Variants in KAT7 observed in about 807,000 individuals in gnomAD.
The protein encoded by KAT7 is lysine acetyltransferase 7.
In KAT7, 10 loss-of-function variants were observed where a neutral mutation model predicts 82.1. The ratio of observed to expected loss-of-function variants is 0.12; its 90% CI spans 0.08 to 0.21. The LOEUF is 0.21. KAT7 is among the 10% of genes least tolerant of loss of function. The pLI, the probability that KAT7 is intolerant of heterozygous loss-of-function variation, is 1.00. For synonymous variants in KAT7, 250 were observed against 262.5 expected (o/e 0.95, Z 0.46); for missense variants, 378 against 760.9 (o/e 0.50, Z 5.92).
chr17:49,807,948 C>T (rs527517383), intron 5 of KAT7, among the ~76,000 whole-genome samples: 2 of 152,118 alleles, frequency 1.3e-5, no homozygotes, highest in African/African-American at 2.4e-5. Context: ...GGAGAAATGC[C>T]AGTCGTTCTG....
chr17:49,819,846 C>T (rs1480466239), intron 9 of KAT7, among the ~76,000 whole-genome samples: 3 of 152,192 alleles, frequency 2.0e-5, no homozygotes, highest in Non-Finnish European at 2.9e-5. Flanking sequence ...GAACAAACTA[C>T]AGATGGAATT....
intron 4 of KAT7, among the ~76,000 whole-genome samples, chr17:49,799,949 C>A (rs1186131176): frequency 6.6e-6 from 1 of 150,986 alleles, no homozygotes; most frequent in Non-Finnish European, 1.5e-5. Flanking sequence ...GGACTACAAG[C>A]GTGAGCCACC....
rs551555409 is a variant in KAT7 at position 49,809,046 on chromosome 17, A to G, written c.664-73A>G. The G allele has an allele frequency of 5.2e-6, 6 of 1,147,538 alleles. No homozygotes were observed. In the South Asian group the frequency reaches 7.7e-5, roughly 15 times the overall value. 71.1% of individuals were successfully genotyped at this position (1,147,538 alleles called of 1,614,324 possible). Reference sequence around the variant, plus strand: ...TACAACATAAATCCAAGGCATTATCATTGTATTCTTATGCTTTAAGTAAAC... The same window carrying G: ...TACAACATAAATCCAAGGCATTATCGTTGTATTCTTATGCTTTAAGTAAAC... On this transcript the variant is annotated intron_variant, in intron 5 of 14. Transcript: ENST00000259021.
Position 49,796,862 on chromosome 17 carries a change from C to T in KAT7, c.276C>T (p.Tyr92=), listed in dbSNP as rs764286300. 3.1e-6 allele frequency: 5 copies of T among 1,614,018 alleles called. No homozygotes were observed. The South Asian group carries it at 3.3e-5, about 11-fold the overall frequency. ...CTACCCCAGTGACACCGAAAAAATA[C>T]CCTCTTCGGCAGACTCGTTCATCTG... The part of the protein sequence containing the change: ...QQPTPVTPKK[Y]PLRQTRSSGS... Residue 92 remains tyrosine (Y), a synonymous_variant, in exon 3 of 15, where the codon TAC becomes TAT. Transcript: ENST00000259021.
intron 12 of KAT7, among the ~76,000 whole-genome samples, chr17:49,823,990 C>T (rs1362669113): frequency 2.0e-5 from 3 of 152,150 alleles, no homozygotes; most frequent in Admixed American, 2.0e-4. Flanking sequence ...CCTGGGGTAC[C>T]TTACAGGGGT....
At chr17:49,814,796 A>C (rs528417762) in intron 7 of KAT7, among the ~76,000 whole-genome samples, 14 of 152,190 alleles carry the variant, frequency 9.2e-5, no homozygotes, top group Non-Finnish European at 1.8e-4. Context: ...GTCCAAATTT[A>C]AAAAGATTCA....
At position 49,798,492 on chromosome 17, in the gene KAT7, C is replaced by T. The variant is rs1385829911; in HGVS notation, c.514C>T (p.Arg172Cys). 1.2e-6 allele frequency: 2 copies of T among 1,613,976 alleles called. No individual in the cohort carries two copies. The highest frequency in any genetic ancestry group is 1.1e-5 in the South Asian group (1 of 91,094). The change falls in exon 4 of 15, where the codon CGC becomes TGC. Residue 172 changes from arginine to cysteine, a missense_variant. Physicochemically the swap from Arg to Cys is radical, Grantham distance 180. Coordinates refer to ENST00000259021, the MANE Select transcript of KAT7 (RefSeq NM_007067.5). ...SGSDLSHRPK[R>C]RRFHESYNFN... ...CAGTGATCTCTCTCATCGCCCCAAG[C>T]GCCGTCGCTTCCATGAAAGCTACAA... is the stretch of plus-strand genomic sequence containing the variant.
chr17:49,825,081 A>G (rs898255754), intron 12 of KAT7, among the ~76,000 whole-genome samples: 2 of 152,138 alleles, frequency 1.3e-5, no homozygotes, highest in Non-Finnish European at 2.9e-5. Flanking sequence ...TTTAGTCTAA[A>G]ACTTTCCACT....
chr17:49,818,085 G>T, intron 9 of KAT7, 74 bp downstream of exon 9: 8 of 1,219,082 alleles, frequency 6.6e-6, no homozygotes, highest in African/African-American at 1.5e-5. Flanking sequence ...TTGCCATAGC[G>T]ATGGCATCTG....
chr17:49,807,740 G>C (rs1162256177), intron 5 of KAT7, among the ~76,000 whole-genome samples: 2 of 152,114 alleles, frequency 1.3e-5, no homozygotes, highest in African/African-American at 4.8e-5. Flanking sequence ...GCTTTGTATC[G>C]GCAGCAATTC....
chr17:49,803,039 T>C (rs2074044160), intron 4 of KAT7, among the ~76,000 whole-genome samples: 1 of 148,926 alleles, frequency 6.7e-6, no homozygotes, highest in African/African-American at 2.5e-5. Context: ...TGATGCTACA[T>C]TGTATGTATG....
At chr17:49,815,351 T>G (rs536265546) in intron 7 of KAT7, 1 of 152,682 alleles carries the variant, frequency 6.5e-6, no homozygotes, top group East Asian at 1.9e-4. Context: ...GTCTAAAATC[T>G]TAGACACTAA....
Position 49,809,138 on chromosome 17 carries a change from A to T in KAT7, c.683A>T (p.Asp228Val). The T allele has an allele frequency of 6.2e-7, 1 of 1,614,170 alleles. No homozygotes were observed. Among genetic ancestry groups the T allele is most frequent in the Admixed American group, 1.7e-5 (1 of 60,026 alleles). The change falls in exon 6 of 15, where the codon GAT becomes GTT. Residue 228 changes from aspartate to valine, a missense_variant. Around this residue, in one of 6 missense-constraint regions of KAT7, gnomAD observed 102 missense variants for 129.8 expected, o/e 0.79. Transcript: ENST00000259021. ...DECKVRAQSR[D>V]KQIEERMLSH... The stretch of plus-strand genomic sequence containing the variant: ...TTGCAGGTGAGAGCACAGAGCCGGG[A>T]TAAGCAGATAGAAGAAAGGATGCTG...
intron 14 of KAT7, 118 bp from the exon 15 acceptor site, chr17:49,827,283 A>G (rs1567867136): frequency 1.6e-6 from 1 of 639,778 alleles, no homozygotes; most frequent in African/African-American, 1.8e-5. Context: ...TTTTTTTGAT[A>G]CCCTAATATG....
At chr17:49,812,417 G>A (rs957104417) in intron 7 of KAT7, among the ~76,000 whole-genome samples, 25 of 151,780 alleles carry the variant, frequency 1.6e-4, no homozygotes, top group Non-Finnish European at 3.1e-4. Flanking sequence ...TAGAGACGGG[G>A]TTTTACCATG....
chr17:49,788,878 G>C (rs748597328), intron 1 of KAT7, 29 bp downstream of exon 1: 2 of 1,572,472 alleles, frequency 1.3e-6, no homozygotes, highest in Non-Finnish European at 1.7e-6. Flanking sequence ...GGGATGGCGG[G>C]TTTCTAAGGA....
At chr17:49,822,203 A>G (rs1001924878) in intron 11 of KAT7, among the ~76,000 whole-genome samples, 4 of 151,640 alleles carry the variant, frequency 2.6e-5, no homozygotes, top group South Asian at 2.1e-4. Flanking sequence ...TGATAACACT[A>G]CTGCGCCTTT....
chr17:49,807,992 A>G (rs1189773662), intron 5 of KAT7, among the ~76,000 whole-genome samples: 5 of 152,136 alleles, frequency 3.3e-5, no homozygotes, highest in Non-Finnish European at 7.4e-5. Context: ...GGTGAAGTGG[A>G]ATAAGCAGTT....
chr17:49,823,864 A>G (rs1366072043), intron 12 of KAT7, among the ~76,000 whole-genome samples: 1 of 152,128 alleles, frequency 6.6e-6, no homozygotes, highest in East Asian at 1.9e-4. Context: ...CAGCTCTTAC[A>G]CTGTAAACAA....
Sources: allele counts gnomAD v4.1 joint callset (sites outside exome capture counted in the v4.1 genomes callset), GRCh38; gene constraint gnomAD v4.1.1; regional missense constraint gnomAD v4.1.1; transcripts MANE v1.5; gene names NCBI Gene and HGNC (gene_info 2026-07-23, HGNC 2026-07-21).